GRB10: variants seen among roughly 807,000 people sequenced by gnomAD.
GRB10 encodes the protein growth factor receptor-bound protein 10.
Under a neutral mutation model 80.9 loss-of-function variants are expected in GRB10, and 20 were observed. The ratio of observed to expected loss-of-function variants is 0.25; its 90% confidence interval spans 0.17 to 0.36. GRB10 has a LOEUF of 0.36. Ranked by LOEUF, GRB10 falls within the 10% of genes least tolerant of loss-of-function variation. GRB10 has a pLI of 1.00. For synonymous variants in GRB10, 291 were observed against 291.5 expected, an observed-to-expected ratio of 1.00 and a Z score of 0.02; for missense variants, 548 against 747.7, an observed-to-expected ratio of 0.73 and a Z score of 3.12.
intron 7 of GRB10, among the ~76,000 whole-genome samples, chr7:50,653,166 C>A (rs2058189879): frequency 6.6e-6 from 1 of 152,138 alleles, no homozygotes; most frequent in Non-Finnish European, 1.5e-5. Context: ...TCTTCCTGGG[C>A]ACGGGCAGCA....
rs758888838 is a variant in GRB10, at chr7:50,594,780, CAT to C, written c.1638+655_1638+656del. ...AGAGGTAAACATCAGGCGAATCAAA[CAT>C]AAAGTGCTTTGTCAAAAAAAGTAGT... On this transcript the variant is annotated intron_variant, in intron 18 of 18. Transcript: ENST00000401949. Among the ~76,000 whole-genome samples, 29 of 152,256 alleles carry C rather than the reference CAT, an allele frequency of 1.9e-4. No individual in the cohort carries two copies. In the East Asian group the frequency reaches 2.1e-3, roughly 11 times the overall value.
At chr7:50,706,146 G>A (rs2065009878) in intron 4 of GRB10, among the ~76,000 whole-genome samples, 2 of 152,210 alleles carry the variant, frequency 1.3e-5, no homozygotes, top group Non-Finnish European at 2.9e-5. Context: ...ACAACAGTGG[G>A]ATAATAGCAT....
intron 7 of GRB10, among the ~76,000 whole-genome samples, chr7:50,627,740 G>A (rs924660679): frequency 1.3e-5 from 2 of 152,238 alleles, no homozygotes; most frequent in Admixed American, 1.3e-4. Context: ...CAGAACACGA[G>A]GTGTGTTTAA....
intron 3 of GRB10, among the ~76,000 whole-genome samples, chr7:50,739,609 G>A (rs1346066108): frequency 6.6e-6 from 1 of 152,184 alleles, no homozygotes; most frequent in East Asian, 1.9e-4. Flanking sequence ...CTGTTCTACT[G>A]TATTTATTAA....
chr7:50,787,268 CAGGAGG>C (rs56235564), upstream of GRB10, among the ~76,000 whole-genome samples: 6 of 148,784 alleles, frequency 4.0e-5, no homozygotes, highest in South Asian at 2.2e-4. Flanking sequence ...CTCTGGAGAG[CAGGAGG>C]AGGAGGAGGA....
chr7:50,634,382 T>C (rs1036525739), intron 7 of GRB10, among the ~76,000 whole-genome samples: 4 of 152,118 alleles, frequency 2.6e-5, no homozygotes, highest in Admixed American at 1.3e-4. Context: ...TACAAAAAAA[T>C]TCTCAAAGGA....
At chr7:50,727,205 G>C (rs559043790) in intron 4 of GRB10, 1 of 152,268 alleles carries the variant, frequency 6.6e-6, no homozygotes, top group South Asian at 2.1e-4. Flanking sequence ...GCAGGCTGTC[G>C]AATATGTTAG....
chr7:50,686,610 T>C (rs368469348), intron 5 of GRB10, among the ~76,000 whole-genome samples: 30 of 152,172 alleles, frequency 2.0e-4, no homozygotes, highest in African/African-American at 7.2e-4. Context: ...GACTCATGTT[T>C]TGATTTTTAT....
At chr7:50,717,436 T>G (rs4947432) in intron 4 of GRB10, among the ~76,000 whole-genome samples, 1 of 152,182 alleles carries the variant, frequency 6.6e-6, no homozygotes, top group African/African-American at 2.4e-5. Flanking sequence ...CTCACTCACA[T>G]GAGAAGCTTG....
intron 13 of GRB10, among the ~76,000 whole-genome samples, chr7:50,607,579 T>C (rs1161989946): frequency 4.6e-5 from 7 of 152,228 alleles, no homozygotes; most frequent in Admixed American, 2.6e-4. Context: ...AAGTGCTTTA[T>C]GTTATTTCAT....
At chr7:50,688,861 A>G (rs886467832) in intron 5 of GRB10, among the ~76,000 whole-genome samples, 5 of 152,154 alleles carry the variant, frequency 3.3e-5, no homozygotes, top group Non-Finnish European at 7.3e-5. Context: ...GCACATGAAC[A>G]GGGAAAGATG....
chr7:50,674,777 A>G, intron 5 of GRB10, 119 bp from the exon 6 acceptor site: 1 of 812,774 alleles, frequency 1.2e-6, no homozygotes, highest in Non-Finnish European at 2.1e-6. Context: ...ATATTATGGA[A>G]GGGGTAGAGG....
intron 4 of GRB10, chr7:50,710,924 C>CCT: frequency 6.2e-7 from 1 of 1,611,936 alleles, no homozygotes; most frequent in Non-Finnish European, 8.5e-7. Flanking sequence ...TCTCTCTCTC[C>CCT]CTCTCTCTAC....
chr7:50,726,444 T>C (rs1048613772), intron 4 of GRB10, among the ~76,000 whole-genome samples: 2 of 151,980 alleles, frequency 1.3e-5, no homozygotes, highest in East Asian at 1.9e-4. Context: ...ATGTGATAAA[T>C]ATAGTTGTTT....
At chr7:50,694,325 AAAAC>A (rs989255142) in intron 5 of GRB10, among the ~76,000 whole-genome samples, 9 of 152,302 alleles carry the variant, frequency 5.9e-5, no homozygotes, top group African/African-American at 2.2e-4. Flanking sequence ...CTCTGTCTCA[AAAAC>A]AAACACACAC....
At chr7:50,708,143 T>G (rs896937820) in intron 4 of GRB10, among the ~76,000 whole-genome samples, 4 of 152,266 alleles carry the variant, frequency 2.6e-5, no homozygotes, top group African/African-American at 9.6e-5. Context: ...TAACTGGAGA[T>G]ACTATATTTT....
At chr7:50,691,371 G>A (rs975170877) in intron 5 of GRB10, among the ~76,000 whole-genome samples, 14 of 152,164 alleles carry the variant, frequency 9.2e-5, no homozygotes, top group Middle Eastern at 3.2e-3. Flanking sequence ...CCACTCTCAA[G>A]GGCTGTGATC....
chr7:50,717,617 C>A lies in GRB10; in HGVS notation c.52-13709G>T, dbSNP rs186404329. 1.0e-3 allele frequency among the ~76,000 whole-genome samples: 154 copies of A among 152,386 alleles called. 1 individual carries two copies. The highest frequency in any genetic ancestry group is 3.5e-3 in the African/African-American group (147 of 41,596). On this transcript the variant is annotated intron_variant, in intron 4 of 18. Transcript: ENST00000401949. The stretch of plus-strand genomic sequence containing the variant: ...ACAACAGGCCCCTCCTTATCCACCA[C>A]TGAAGCTACAAAACATTTCTTTACC...
chr7:50,765,844 A>G (rs2153706966), intron 2 of GRB10, among the ~76,000 whole-genome samples: 1 of 152,362 alleles, frequency 6.6e-6, no homozygotes, highest in African/African-American at 2.4e-5. Flanking sequence ...GAATGTTTCT[A>G]AAGTTAAGAC....
Sources: gnomAD v4.1 joint callset for allele counts (sites outside exome capture counted in the v4.1 genomes callset) on GRCh38, gnomAD v4.1.1 for gene constraint, MANE v1.5 for transcripts, NCBI Gene and HGNC (gene_info 2026-07-23, HGNC 2026-07-21) for gene names.